FER: variants seen among roughly 807,000 people sequenced by gnomAD.
The protein encoded by FER is FER tyrosine kinase.
A neutral mutation model predicts 111.0 loss-of-function variants in FER; 63 were observed. That is an observed-to-expected ratio of 0.57 (90% CI 0.46 to 0.70). The LOEUF is 0.70. FER is among the 30% of genes least tolerant of loss of function. The pLI is 0.00. For missense variants in FER, 914 were observed against 954.0 expected (o/e 0.96, Z 0.55); for synonymous variants, 327 against 313.9 (o/e 1.04, Z -0.44).
At chr5:108,970,633 G>A (rs975453346) in intron 13 of FER, among the ~76,000 whole-genome samples, 4 of 152,130 alleles carry the variant, frequency 2.6e-5, no homozygotes, top group Admixed American at 1.3e-4. Flanking sequence ...TTCTAAAGTC[G>A]CAGTATGTGT....
At chr5:108,772,897 A>T (rs1753080591) in intron 2 of FER, among the ~76,000 whole-genome samples, 2 of 152,222 alleles carry the variant, frequency 1.3e-5, no homozygotes, top group Admixed American at 1.3e-4. Flanking sequence ...TCAGAAATGC[A>T]TACTTTCAAG....
chr5:108,933,912 G>T (rs1445652266), intron 10 of FER, among the ~76,000 whole-genome samples: 2 of 152,030 alleles, frequency 1.3e-5, no homozygotes, highest in Admixed American at 6.6e-5. Context: ...GTCTATTATT[G>T]GTGTATAGGA....
Position 109,184,370 on chromosome 5 carries a change from A to T in FER, c.2204-1830A>T, listed in dbSNP as rs79843740. On this transcript the variant is annotated intron_variant, in intron 18 of 19. Coordinates refer to ENST00000281092, the MANE Select transcript of FER (RefSeq NM_005246.4). ...GACCTTTTCCCTATAGAGTATTATG[A>T]AGATCAAGTGAGACATAGAAAAGTA... Among the ~76,000 whole-genome samples the T allele has an allele frequency of 6.5e-3, 995 of 152,266 alleles. 17 individuals carry two copies. Among genetic ancestry groups the T allele is most frequent in the African/African-American group, 0.023 (947 of 41,516 alleles).
chr5:108,927,715 A>G (rs1309659194), intron 10 of FER, among the ~76,000 whole-genome samples: 4 of 152,170 alleles, frequency 2.6e-5, no homozygotes, highest in Non-Finnish European at 5.9e-5. Flanking sequence ...TCATCAATGC[A>G]TGTGCTCTCT....
intron 3 of FER, among the ~76,000 whole-genome samples, chr5:108,826,627 A>C (rs1759501876): frequency 6.6e-6 from 1 of 152,222 alleles, no homozygotes; most frequent in Non-Finnish European, 1.5e-5. Context: ...TGAATTTGGA[A>C]GTGTTCCCTC....
At chr5:108,966,814 C>T (rs538984438) in intron 13 of FER, among the ~76,000 whole-genome samples, 3 of 152,070 alleles carry the variant, frequency 2.0e-5, no homozygotes, top group Admixed American at 2.0e-4. Context: ...TATAATTCTC[C>T]CCTCCCCCAT....
chr5:108,862,176 A>G (rs1320693739), intron 5 of FER, among the ~76,000 whole-genome samples: 1 of 152,198 alleles, frequency 6.6e-6, no homozygotes, highest in East Asian at 1.9e-4. Flanking sequence ...TTCCAAAGGC[A>G]GTAAATATTT....
rs1487305948 is a variant in FER, at chr5:109,063,048, A to T, written c.1924+15850A>T. Among the ~76,000 whole-genome samples the T allele has an allele frequency of 2.0e-5, 3 of 152,318 alleles. No homozygotes were observed. In the East Asian group the frequency reaches 5.8e-4, roughly 29 times the overall value. Reference sequence around the variant, plus strand: ...TGGTTTAAAAAAAGTAATTGAGTTCATTTGGTTTATTTTAGGCTTAGAAAT... The same window carrying T: ...TGGTTTAAAAAAAGTAATTGAGTTCTTTTGGTTTATTTTAGGCTTAGAAAT... On this transcript the variant is annotated intron_variant, in intron 16 of 19. Transcript: ENST00000281092.
chr5:109,176,009 C>A (rs1441526681), intron 17 of FER, among the ~76,000 whole-genome samples: 1 of 152,070 alleles, frequency 6.6e-6, no homozygotes, highest in Non-Finnish European at 1.5e-5. Context: ...AAACAAATAA[C>A]AAATGCTGGC....
intron 16 of FER, among the ~76,000 whole-genome samples, chr5:109,061,202 ATTGTT>A (rs1177234789): frequency 6.6e-6 from 1 of 152,148 alleles, no homozygotes; most frequent in Non-Finnish European, 1.5e-5. Flanking sequence ...GAATTGTTTC[ATTGTT>A]ATGAAATTTT....
chr5:109,159,372 C>G (rs760682732), intron 17 of FER, among the ~76,000 whole-genome samples: 4 of 152,120 alleles, frequency 2.6e-5, no homozygotes, highest in Non-Finnish European at 4.4e-5. Flanking sequence ...AGCAGCATCT[C>G]TCATTCTATG....
chr5:108,875,300 C>G (rs572566636), intron 8 of FER, among the ~76,000 whole-genome samples: 1 of 152,018 alleles, frequency 6.6e-6, no homozygotes, highest in Admixed American at 6.6e-5. Context: ...TGCATTTATG[C>G]TACATTATTT....
rs151261777 is a variant in FER, at chr5:108,881,421, G to T, written c.924-1975G>T. On this transcript the variant is annotated intron_variant, in intron 8 of 19. Transcript: ENST00000281092. ...AGACTTACTCACTATTGTGAAAAGA[G>T]CGTGAGAAAGACCTGCCCCCATGAT... is the stretch of plus-strand genomic sequence containing the variant. Among the ~76,000 whole-genome samples, 495 of 152,230 alleles carry T rather than the reference G, an allele frequency of 3.3e-3. 2 individuals are homozygous for T. The highest frequency in any genetic ancestry group is 0.011 in the African/African-American group (467 of 41,550).
intron 3 of FER, among the ~76,000 whole-genome samples, chr5:108,822,249 A>C (rs1363802036): frequency 6.6e-6 from 1 of 152,166 alleles, no homozygotes; most frequent in Non-Finnish European, 1.5e-5. Flanking sequence ...TTTATTTACT[A>C]TAATTTCTTT....
chr5:108,820,455 C>T, intron 3 of FER: 2 of 985,166 alleles, frequency 2.0e-6, no homozygotes, highest in Middle Eastern at 5.2e-4. Flanking sequence ...GAAAGGTGGC[C>T]CTTAAGTCCA....
chr5:109,137,869 T>C (rs1164645579), intron 17 of FER, among the ~76,000 whole-genome samples: 1 of 152,218 alleles, frequency 6.6e-6, no homozygotes, highest in Non-Finnish European at 1.5e-5. Context: ...TTCTAATCTT[T>C]TTCTTATGGA....
At chr5:108,793,519 C>CGGGGGA (rs1755626750) in intron 2 of FER, among the ~76,000 whole-genome samples, 1 of 103,156 alleles carries the variant, frequency 9.7e-6, no homozygotes, top group African/African-American at 4.4e-5. Context: ...TTTGGCGGGG[C>CGGGGGA]GGGGGGGGTG....
At chr5:109,132,283 A>C (rs1418782468) in intron 17 of FER, among the ~76,000 whole-genome samples, 1 of 152,218 alleles carries the variant, frequency 6.6e-6, no homozygotes, top group Non-Finnish European at 1.5e-5. Flanking sequence ...AATATAAGAA[A>C]GAGGAAATTC....
chr5:108,832,513 C>A (rs1052591947), intron 3 of FER, among the ~76,000 whole-genome samples: 1 of 152,146 alleles, frequency 6.6e-6, no homozygotes, highest in African/African-American at 2.4e-5. Flanking sequence ...CAAGTGTGGA[C>A]TCTTAAAGAG....
Sources: allele counts gnomAD v4.1 joint callset (sites outside exome capture counted in the v4.1 genomes callset), GRCh38; gene constraint gnomAD v4.1.1; transcripts MANE v1.5; gene names NCBI Gene and HGNC (gene_info 2026-07-23, HGNC 2026-07-21).